KIAA1671: variants seen among roughly 807,000 people sequenced by gnomAD.
The protein encoded by KIAA1671 is uncharacterized protein KIAA1671.
In KIAA1671, 52 loss-of-function variants were observed where a neutral mutation model predicts 131.2. The observed-to-expected ratio is 0.40, with a 90% CI of 0.32 to 0.50. KIAA1671 has a LOEUF of 0.50. KIAA1671 is among the 20% of genes least tolerant of loss of function. The pLI is 0.73. For synonymous variants in KIAA1671, 1,003 were observed against 961.6 expected (o/e 1.04, Z -0.80); for missense variants, 2,360 against 2,364.2 (o/e 1.00, Z 0.04).
At chr22:25,066,824 G>A (rs1928501398) in intron 6 of KIAA1671, among the ~76,000 whole-genome samples, 1 of 152,104 alleles carries the variant, frequency 6.6e-6, no homozygotes, top group South Asian at 2.1e-4. Context: ...GGTGCACAGG[G>A]GCCTGGGGTG....
intron 6 of KIAA1671, among the ~76,000 whole-genome samples, chr22:25,131,377 C>T (rs1217759456): frequency 6.6e-6 from 1 of 152,228 alleles, no homozygotes; most frequent in Non-Finnish European, 1.5e-5. Context: ...CTTCAGCTCA[C>T]AGGTAGTGCC....
intron 11 of KIAA1671, among the ~76,000 whole-genome samples, chr22:25,187,473 G>A (rs553874214): frequency 7.5e-6 from 1 of 133,978 alleles, no homozygotes. Context: ...TCATAAACGT[G>A]ATTTTTTTTT....
At chr22:25,187,400 C>T (rs1934512660) in intron 11 of KIAA1671, among the ~76,000 whole-genome samples, 1 of 152,202 alleles carries the variant, frequency 6.6e-6, no homozygotes, top group Non-Finnish European at 1.5e-5. Flanking sequence ...ACGACGTTTG[C>T]GTAGTTTGAT....
chr22:24,960,534 A>G (rs988903556), intron 1 of KIAA1671, among the ~76,000 whole-genome samples: 5 of 147,412 alleles, frequency 3.4e-5, no homozygotes, highest in Admixed American at 3.4e-4. Context: ...GTGACAGGGC[A>G]AGACTCCGTC....
Position 25,039,336 on chromosome 22 carries a change from G to T in KIAA1671, c.2206G>T (p.Val736Leu). Residue 736 changes from valine (V) to leucine (L), a missense_variant, in exon 5 of 13, where the codon GTG becomes TTG. Around this residue, in one of 3 missense-constraint regions of KIAA1671, gnomAD observed 1,185 missense variants for 1,126.2 expected, o/e 1.05. Transcript: ENST00000358431. ...SQRIEPRYDI[V>L]HAVGERVHSE... ...GAGAATTGAGCCCAGATATGACATTGTGCATGCAGTGGGAGAGCGTGTGCA... is the reference window on the plus strand; with the variant it reads ...GAGAATTGAGCCCAGATATGACATTTTGCATGCAGTGGGAGAGCGTGTGCA... 2 of 1,551,988 alleles carry T rather than the reference G, an allele frequency of 1.3e-6. No individual in the cohort carries two copies. Among genetic ancestry groups the T allele is most frequent in the Non-Finnish European group, 1.7e-6 (2 of 1,147,068 alleles).
chr22:25,112,519 A>T (rs1031235559), intron 6 of KIAA1671: 12 of 397,762 alleles, frequency 3.0e-5, no homozygotes, highest in Non-Finnish European at 4.9e-5. Context: ...CCTCCCCTCC[A>T]GTCCTCCCAG....
intron 1 of KIAA1671, among the ~76,000 whole-genome samples, chr22:24,987,240 G>A (rs904382038): frequency 2.0e-5 from 3 of 150,118 alleles, no homozygotes; most frequent in African/African-American, 4.9e-5. Context: ...GTGCAAACTC[G>A]GCTCACTGCA....
intron 6 of KIAA1671, among the ~76,000 whole-genome samples, chr22:25,068,485 G>A (rs1811179218): frequency 6.6e-6 from 1 of 151,822 alleles, no homozygotes; most frequent in Admixed American, 6.6e-5. Flanking sequence ...CACCCAGGCT[G>A]GAGTGCAGTG....
At chr22:25,032,747 G>A (rs1022604468) in intron 4 of KIAA1671, 51 bp downstream of exon 4, 2 of 1,185,454 alleles carry the variant, frequency 1.7e-6, no homozygotes, top group Non-Finnish European at 2.4e-6. Flanking sequence ...GGCAGTTATG[G>A]CTGCTGGAGA....
chr22:25,184,912 G>A (rs1464709899), intron 10 of KIAA1671, 65 bp from the exon 11 acceptor site: 9 of 1,539,850 alleles, frequency 5.8e-6, no homozygotes, highest in African/African-American at 1.4e-5. Context: ...CCTGACATTT[G>A]CATGGGAGGG....
At chr22:24,976,676 GCC>G (rs1482286860) in intron 1 of KIAA1671, among the ~76,000 whole-genome samples, 3 of 152,214 alleles carry the variant, frequency 2.0e-5, no homozygotes, top group Non-Finnish European at 4.4e-5. Flanking sequence ...ACAGGTTTGG[GCC>G]CTTTCCCTGC....
rs73403554 is a variant in KIAA1671, at chr22:25,149,401, A to G, written c.4531-21419A>G. 3.6e-3 allele frequency among the ~76,000 whole-genome samples: 551 copies of G among 152,208 alleles called. 5 individuals carry two copies. The highest frequency in any genetic ancestry group is 0.012 in the African/African-American group (507 of 41,520). ...TCACTCCTTCAGGAATTCATTGGAG[A>G]TAGAGAGAAATTTCAGGGAGGAGGA... On this transcript the variant is annotated intron_variant, in intron 6 of 12. Transcript: ENST00000358431.
chr22:25,174,659 C>T (rs1271105583), intron 8 of KIAA1671, 170 bp downstream of exon 8: 2 of 690,630 alleles, frequency 2.9e-6, no homozygotes, highest in African/African-American at 3.6e-5. Context: ...CTGCCATACA[C>T]CTGCTGTGTG....
intron 6 of KIAA1671, among the ~76,000 whole-genome samples, chr22:25,166,219 A>G (rs1933640865): frequency 6.6e-6 from 1 of 152,108 alleles, no homozygotes; most frequent in Non-Finnish European, 1.5e-5. Flanking sequence ...GCAGTGAAGG[A>G]GAGAGAGGAG....
chr22:25,087,336 A>G (rs999803325), intron 6 of KIAA1671, among the ~76,000 whole-genome samples: 8 of 152,140 alleles, frequency 5.3e-5, no homozygotes, highest in African/African-American at 1.7e-4. Context: ...TGTAATCCCA[A>G]TACTTCGGGA....
chr22:24,993,937 C>T (rs532644273), intron 1 of KIAA1671, among the ~76,000 whole-genome samples: 3 of 152,052 alleles, frequency 2.0e-5, no homozygotes, highest in South Asian at 2.1e-4. Flanking sequence ...AAAAATTAGC[C>T]GGGCATGGTA....
intron 1 of KIAA1671, among the ~76,000 whole-genome samples, chr22:24,965,740 C>CAAAAAAAAAAA (rs767916092): frequency 2.2e-5 from 1 of 45,894 alleles, no homozygotes; most frequent in Non-Finnish European, 4.7e-5. Flanking sequence ...AACTCCATCT[C>CAAAAAAAAAAA]AAAAAAAAAA....
intron 6 of KIAA1671, among the ~76,000 whole-genome samples, chr22:25,158,484 G>A (rs940955357): frequency 1.3e-5 from 2 of 152,162 alleles, no homozygotes; most frequent in Non-Finnish European, 2.9e-5. Context: ...TTCTATGGGG[G>A]TCCTAAGAAC....
intron 1 of KIAA1671, among the ~76,000 whole-genome samples, chr22:24,971,671 A>G (rs1225831644): frequency 6.6e-6 from 1 of 152,160 alleles, no homozygotes; most frequent in Non-Finnish European, 1.5e-5. Flanking sequence ...GGGGTGATCC[A>G]TCTGGCTGCT....
Sources: gnomAD v4.1 joint callset for allele counts (sites outside exome capture counted in the v4.1 genomes callset) on GRCh38, gnomAD v4.1.1 for gene constraint, gnomAD v4.1.1 regional missense constraint, MANE v1.5 for transcripts, NCBI Gene and HGNC (gene_info 2026-07-23, HGNC 2026-07-21) for gene names.